Variants in CCDC178 observed in about 807,000 individuals in gnomAD.
CCDC178 encodes the protein coiled-coil domain-containing protein 178.
CCDC178 carries 126 observed loss-of-function variants against 117.4 expected under a neutral mutation model. The observed-to-expected ratio is 1.07, with a 90% CI of 0.93 to 1.24. CCDC178 has a LOEUF of 1.24. CCDC178 is among the 50% of genes most tolerant of loss of function. The pLI is 0.00. For synonymous variants in CCDC178, 283 were observed against 313.4 expected, an observed-to-expected ratio of 0.90 and a Z score of 1.02; for missense variants, 1,030 against 986.9, an observed-to-expected ratio of 1.04 and a Z score of -0.59.
chr18:32,971,528 G>A (rs1266231871), intron 22 of CCDC178, among the ~76,000 whole-genome samples: 1 of 152,018 alleles, frequency 6.6e-6, no homozygotes, highest in Admixed American at 6.6e-5. Context: ...TAATCCTTTG[G>A]GTATATACCC....
rs147190278 is a variant in CCDC178, at chr18:33,144,880, G to A, written c.2239-51970C>T. 5.9e-3 allele frequency among the ~76,000 whole-genome samples: 894 copies of A among 152,180 alleles called. 11 individuals are homozygous for A. Among genetic ancestry groups the A allele is most frequent in the African/African-American group, 0.021 (858 of 41,530 alleles). On this transcript the variant is annotated intron_variant, in intron 20 of 22. Transcript: ENST00000383096. ...TAACAGTGCCATGAATCACCTGGTG[G>A]CCTATTGACCAAGATCACCATTTTC... is the stretch of plus-strand genomic sequence containing the variant.
chr18:33,346,566 T>C (rs1428941552), intron 8 of CCDC178, among the ~76,000 whole-genome samples, 155 bp from the exon 9 acceptor site: 1 of 152,016 alleles, frequency 6.6e-6, no homozygotes, highest in Non-Finnish European at 1.5e-5. Flanking sequence ...TTTATTATAA[T>C]ACAAATATAA....
intron 2 of CCDC178, among the ~76,000 whole-genome samples, chr18:33,421,757 A>T (rs2064029512): frequency 6.6e-6 from 1 of 152,204 alleles, no homozygotes; most frequent in African/African-American, 2.4e-5. Context: ...TCAGTCAGAA[A>T]ACAATAAATA....
chr18:33,238,366 A>C (rs2059449892), intron 15 of CCDC178, among the ~76,000 whole-genome samples: 2 of 152,176 alleles, frequency 1.3e-5, no homozygotes, highest in East Asian at 3.9e-4. Flanking sequence ...AAGGAAACTC[A>C]GAGAGATACA....
chr18:33,406,375 C>A (rs1024914793), intron 3 of CCDC178, among the ~76,000 whole-genome samples: 1 of 151,824 alleles, frequency 6.6e-6, no homozygotes, highest in Admixed American at 6.6e-5. Flanking sequence ...TTATATCTGA[C>A]AACATAGAAT....
At chr18:33,067,093 A>G (rs1020847817) in intron 21 of CCDC178, among the ~76,000 whole-genome samples, 1 of 152,260 alleles carries the variant, frequency 6.6e-6, no homozygotes, top group African/African-American at 2.4e-5. Context: ...TTGATAGATC[A>G]TATGTTACAT....
chr18:33,245,255 C>A lies in CCDC178; in HGVS notation c.1583G>T (p.Arg528Ile). Residue 528 changes from arginine to isoleucine, a missense_variant, in exon 15 of 23, where the codon AGA (arginine) becomes ATA (isoleucine). Physicochemically the swap from Arg to Ile is moderately conservative, Grantham distance 97 (BLOSUM62 -3). Coordinates refer to ENST00000383096, the MANE Select transcript of CCDC178 (RefSeq NM_001105528.4). ...EMEDKIAEVRRKFKGREEFLK... is the reference protein window; with the variant it reads ...EMEDKIAEVRIKFKGREEFLK... Reference sequence around the variant, plus strand: ...ACAAAGATACACAACCTTGAACTTTCTTCTCACTTCTGCTATTTTATCTTC... The same window carrying A: ...ACAAAGATACACAACCTTGAACTTTATTCTCACTTCTGCTATTTTATCTTC... The A allele has an allele frequency of 6.3e-7, 1 of 1,581,680 alleles. No homozygotes were observed. Among genetic ancestry groups the A allele is most frequent in the South Asian group, 1.2e-5 (1 of 82,894 alleles).
intron 13 of CCDC178, 36 bp downstream of exon 13, chr18:33,267,166 G>T (rs1161226582): frequency 6.5e-7 from 1 of 1,540,882 alleles, no homozygotes; most frequent in South Asian, 1.2e-5. Flanking sequence ...ATAGAAAATG[G>T]CGTTCTAAGT....
At chr18:33,016,158 A>T (rs1457120034) in intron 21 of CCDC178, among the ~76,000 whole-genome samples, 2 of 152,130 alleles carry the variant, frequency 1.3e-5, no homozygotes, top group Admixed American at 1.3e-4. Context: ...TGTACCAGAG[A>T]TTCTCAAAAA....
chr18:33,307,688 C>T (rs532877916), intron 11 of CCDC178, among the ~76,000 whole-genome samples: 6 of 152,286 alleles, frequency 3.9e-5, no homozygotes, highest in South Asian at 2.1e-4. Flanking sequence ...GAGGGAAAAA[C>T]GGTCTTGTAG....
chr18:33,285,167 CAT>C, intron 12 of CCDC178, among the ~76,000 whole-genome samples: 1 of 151,772 alleles, frequency 6.6e-6, no homozygotes, highest in East Asian at 1.9e-4. Flanking sequence ...TTAGAAATAA[CAT>C]AACAGCAAAA....
At chr18:33,268,121 G>T (rs569919835) in intron 12 of CCDC178, among the ~76,000 whole-genome samples, 2 of 151,792 alleles carry the variant, frequency 1.3e-5, no homozygotes, top group South Asian at 4.1e-4. Flanking sequence ...TAGCAAAATG[G>T]AGTAGTCTTT....
intron 10 of CCDC178, among the ~76,000 whole-genome samples, chr18:33,325,081 T>TC (rs1304866078): frequency 6.6e-6 from 1 of 151,792 alleles, no homozygotes; most frequent in African/African-American, 2.4e-5. Context: ...ATAGCAAAAT[T>TC]CCCCAAAATG....
intron 20 of CCDC178, among the ~76,000 whole-genome samples, chr18:33,171,746 G>A (rs1159498874): frequency 1.3e-5 from 2 of 152,298 alleles, no homozygotes; most frequent in South Asian, 2.1e-4. Flanking sequence ...AGGAGCTGAG[G>A]AAATACTCCT....
intron 22 of CCDC178, chr18:32,958,119 G>T (rs560864394): frequency 5.2e-5 from 24 of 464,622 alleles, no homozygotes; most frequent in African/African-American, 8.0e-5. Context: ...ACACACTAAT[G>T]AATTCTGATG....
intron 21 of CCDC178, among the ~76,000 whole-genome samples, chr18:32,979,685 T>G (rs1371754422): frequency 1.3e-5 from 2 of 152,182 alleles, no homozygotes; most frequent in Non-Finnish European, 2.9e-5. Context: ...TTCCACAAAG[T>G]AGTCTACAAT....
At chr18:33,022,056 T>C (rs927972823) in intron 21 of CCDC178, among the ~76,000 whole-genome samples, 1 of 152,162 alleles carries the variant, frequency 6.6e-6, no homozygotes, top group African/African-American at 2.4e-5. Flanking sequence ...CAAAAACACA[T>C]AAATATTAAT....
At chr18:33,237,370 C>T (rs2059437118) in intron 15 of CCDC178, among the ~76,000 whole-genome samples, 1 of 152,154 alleles carries the variant, frequency 6.6e-6, no homozygotes, top group Non-Finnish European at 1.5e-5. Context: ...ATGTCCACCC[C>T]TGAGTAGAAA....
At chr18:33,239,356 A>T (rs2059459902) in intron 15 of CCDC178, among the ~76,000 whole-genome samples, 2 of 152,078 alleles carry the variant, frequency 1.3e-5, no homozygotes, top group South Asian at 4.1e-4. Context: ...TCATTTATCA[A>T]TAATAACCTT....
Sources: allele counts gnomAD v4.1 joint callset (sites outside exome capture counted in the v4.1 genomes callset), GRCh38; gene constraint gnomAD v4.1.1; transcripts MANE v1.5; gene names NCBI Gene and HGNC (gene_info 2026-07-23, HGNC 2026-07-21).